MFRP: variants seen among roughly 807,000 people sequenced by gnomAD.
MFRP encodes C1q and TNF related 5.
Under a neutral mutation model 65.8 loss-of-function variants are expected in MFRP, and 74 were observed. The observed-to-expected ratio is 1.12, with a 90% CI of 0.93 to 1.36. MFRP has a LOEUF of 1.36. Among genes scored for constraint, MFRP ranks in the 40% most tolerant of loss-of-function variants. The probability of loss-of-function intolerance (pLI) is 0.00; values close to 1 mark genes in which losing one functional copy is unlikely to be tolerated. For synonymous variants in MFRP, 336 were observed against 288.3 expected (o/e 1.17, Z -1.68); for missense variants, 838 against 736.0 (o/e 1.14, Z -1.60).
Position 119,340,043 on chromosome 11 carries a change from G to A in MFRP, c.*1110+141C>T, listed in dbSNP as rs901597224. On this transcript the variant is annotated intron_variant, in intron 14 of 14. Coordinates refer to ENST00000619721, the MANE Select transcript of MFRP (RefSeq NM_031433.4). ...TGGCCAAGGGGGCTCCCGCCGCCTGGGCCCCTCCCCCGCTCAGGGCTGCAA... is the reference window on the plus strand; with the variant it reads ...TGGCCAAGGGGGCTCCCGCCGCCTGAGCCCCTCCCCCGCTCAGGGCTGCAA... 8 of 1,260,516 alleles carry A rather than the reference G, an allele frequency of 6.3e-6. No individual in the cohort carries two copies. The African/African-American group carries it at 1.3e-4, about 20-fold the overall frequency. 78.1% of individuals were successfully genotyped at this position (1,260,516 alleles called of 1,614,324 possible).
At chr11:119,342,785 C>G in intron 10 of MFRP, 58 bp from the exon 11 acceptor site, 1 of 1,613,080 alleles carries the variant, frequency 6.2e-7, no homozygotes, top group Non-Finnish European at 8.5e-7. Context: ...CCAGTACCCC[C>G]AGAGTGTCCT....
rs121908190 is a variant in MFRP at position 119,345,516 on chromosome 11, A to T, written c.545T>A (p.Ile182Lys). 4 of 1,614,096 alleles carry T rather than the reference A, an allele frequency of 2.5e-6. No homozygotes were observed. Among genetic ancestry groups the T allele is most frequent in the Non-Finnish European group, 3.4e-6 (4 of 1,180,032 alleles). ...WHIQVATDHA[I>K]QLKIEALSIE... ...GCTGAGGGCTTCGATCTTGAGCTGTATTGCATGGTCTGTGGCCACCTGGAT... is the reference window on the plus strand; with the variant it reads ...GCTGAGGGCTTCGATCTTGAGCTGTTTTGCATGGTCTGTGGCCACCTGGAT... The change falls in exon 5 of 15, where the codon ATA becomes AAA. Residue 182 changes from isoleucine to lysine, a missense_variant. By Grantham distance (102) the Ile-to-Lys change is moderately radical. Transcript: ENST00000619721.
chr11:119,340,642 G>C, intron 13 of MFRP, 53 bp downstream of exon 13: 1 of 544,152 alleles, frequency 1.8e-6, no homozygotes, highest in Non-Finnish European at 3.2e-6. Context: ...GCCCGCGCCA[G>C]CCTTTCCCAC....
chr11:119,340,315 C>T lies in MFRP; in HGVS notation c.*979G>A. On this transcript the variant is annotated 3_prime_UTR_variant, in exon 14 of 15. Coordinates refer to ENST00000619721, the MANE Select transcript of MFRP (RefSeq NM_031433.4). ...GCCTGGAAGGCCGGGGTGCCCCGGG[C>T]AGAGGCTGGGGATCTTGTTGTCGTC... 2.6e-6 allele frequency: 4 copies of T among 1,540,454 alleles called. No individual in the cohort carries two copies. Among genetic ancestry groups the T allele is most frequent in the Non-Finnish European group, 3.5e-6 (4 of 1,144,088 alleles).
Position 119,345,660 on chromosome 11 carries a change from AG to A in MFRP, c.428-28del, listed in dbSNP as rs762065103. The A allele has an allele frequency of 3.3e-5, 53 of 1,613,014 alleles. 1 individual carries two copies. The East Asian group carries it at 7.8e-4, about 24-fold the overall frequency. On this transcript the variant is annotated intron_variant, in intron 4 of 14. Transcript: ENST00000619721. ...TGCAGAGATGGAGGTTAGAGTTCAG[AG>A]GTCAAAAGGAGTGAGGTCCTTTATT...
chr11:119,342,937 C>T lies in MFRP; in HGVS notation c.1191G>A (p.Arg397=). The change falls in exon 10 of 15, where the codon AGG becomes AGA. Residue 397 remains arginine, a synonymous_variant. Transcript: ENST00000619721. ...CTCCACTGCTGATGCCATGATCTGTCCTAAACAGCACAGCCAGCTCATGGT... is the reference window on the plus strand; with the variant it reads ...CTCCACTGCTGATGCCATGATCTGTTCTAAACAGCACAGCCAGCTCATGGT... ...SSHHELAVLF[R]TDHGISSGGF... 6.2e-7 allele frequency: 1 copy of T among 1,612,580 alleles called. No individual in the cohort carries two copies. Among genetic ancestry groups the T allele is most frequent in the Non-Finnish European group, 8.5e-7 (1 of 1,179,774 alleles).
intron 5 of MFRP, among the ~76,000 whole-genome samples, 168 bp downstream of exon 5, chr11:119,345,252 G>A (rs1447450927): frequency 6.6e-6 from 1 of 152,244 alleles, no homozygotes; most frequent in Non-Finnish European, 1.5e-5. Context: ...TGAGAGAGGG[G>A]AAGTGATCTT....
rs567782248 is a variant in MFRP at position 119,339,240 on chromosome 11, T to A, written c.*1719A>T. The A allele has an allele frequency of 5.5e-5, 79 of 1,441,316 alleles. No homozygotes were observed. In the African/African-American group the frequency reaches 1.1e-3, roughly 20 times the overall value. 89.3% of individuals were successfully genotyped at this position (1,441,316 alleles called of 1,614,324 possible). A position where few individuals can be genotyped will look rare whatever the true frequency, so the allele number is the denominator to read the frequency against. ...CCACCTCCCTAGTCATTCACAATAT[T>A]CCAGGGGGGCCAGCCCTCCTGGATG... On this transcript the variant is annotated 3_prime_UTR_variant, in exon 15 of 15. Transcript: ENST00000619721. This position sits in a 1 kb window ranked among gnomAD's most constrained non-coding sequence, Gnocchi z 5.4.
At position 119,341,647 on chromosome 11, in the gene MFRP, G is replaced by A; in HGVS notation, c.1641C>T (p.His547=). Residue 547 remains histidine, a synonymous_variant, in exon 13 of 15, where the codon CAC becomes CAT. Transcript: ENST00000619721. Reference sequence around the variant, plus strand: ...GTAGTGCCAGGCCAGACTGGCACTGGTGCTCCGCTTCCTGGCAGACAGAGC... The same window carrying A: ...GTAGTGCCAGGCCAGACTGGCACTGATGCTCCGCTTCCTGGCAGACAGAGC... The part of the protein sequence containing the change: ...PCRSVCQEAE[H]QCQSGLALLG... 6.2e-7 allele frequency: 1 copy of A among 1,613,024 alleles called. No individual in the cohort carries two copies. The highest frequency in any genetic ancestry group is 8.5e-7 in the Non-Finnish European group (1 of 1,180,028).
Position 119,341,603 on chromosome 11 carries a change from A to G in MFRP, c.1685T>C (p.Phe562Ser), listed in dbSNP as rs1344347917. 1 of 1,612,820 alleles carries G rather than the reference A, an allele frequency of 6.2e-7. No homozygotes were observed. The highest frequency in any genetic ancestry group is 8.5e-7 in the Non-Finnish European group (1 of 1,180,012). ...TGCCTCTGGCAGCCTGTTGCAGTTG[A>G]AGGGCCAGGGGGTGCCCAGTAGTGC... Reference protein sequence around the residue: ...GLALLGTPWPFNCNRLPEAAD... With the variant: ...GLALLGTPWPSNCNRLPEAAD... Residue 562 changes from phenylalanine (F) to serine (S), a missense_variant, in exon 13 of 15, where the codon TTC becomes TCC. Physicochemically the swap from Phe to Ser is radical, Grantham distance 155. Transcript: ENST00000619721.
chr11:119,341,217 T>C lies in MFRP; in HGVS notation c.*331A>G, dbSNP rs1950499614. The C allele has an allele frequency of 2.6e-6, 1 of 378,460 alleles. No individual in the cohort carries two copies. The highest frequency in any genetic ancestry group is 4.9e-6 in the Non-Finnish European group (1 of 202,734). The allele number at this position is 378,460 out of a possible 1,614,324, so 23.4% of individuals were successfully genotyped here. On this transcript the variant is annotated 3_prime_UTR_variant, in exon 13 of 15. Coordinates refer to ENST00000619721, the MANE Select transcript of MFRP (RefSeq NM_031433.4). ...TGAATAGATGCTCAGTACATTTTTG[T>C]TGAATCAAGGAAAAGGTCAGAAGGC...
intron 13 of MFRP, 87 bp downstream of exon 13, chr11:119,340,608 G>C (rs1174251518): frequency 1.8e-6 from 1 of 568,278 alleles, no homozygotes; most frequent in Admixed American, 3.4e-5. Flanking sequence ...GGGTGGGAGC[G>C]GCCAGCCCTC....
At position 119,345,899 on chromosome 11, in the gene MFRP, A is replaced by G; in HGVS notation, c.301T>C (p.Ser101Pro). The change falls in exon 4 of 15, where the codon TCC becomes CCC. Residue 101 changes from serine (S) to proline (P), a missense_variant. Transcript: ENST00000619721. ...CCTCCGGCAGGCAGTGGGCTATGGG[A>G]CGCCCCAGATGGGGGTGCAGCCTGC... ...QLQAAPPSGASHSPLPAGGLT... is the reference protein window; with the variant it reads ...QLQAAPPSGAPHSPLPAGGLT... The G allele has an allele frequency of 1.2e-6, 2 of 1,613,504 alleles. No individual in the cohort carries two copies. The highest frequency in any genetic ancestry group is 1.7e-6 in the Non-Finnish European group (2 of 1,179,748).
At position 119,343,793 on chromosome 11, in the gene MFRP, T is replaced by C. The variant is rs754102482; in HGVS notation, c.1124+23A>G. The C allele has an allele frequency of 1.9e-6, 3 of 1,613,696 alleles. No individual in the cohort carries two copies. The East Asian group carries it at 6.7e-5, about 36-fold the overall frequency. On this transcript the variant is annotated intron_variant, in intron 9 of 14. Transcript: ENST00000619721. ...CAGACAGTGAGGATGGAGTTATCCA[T>C]GGCTCTTCCCTGGCTCCTGTACCTG...
chr11:119,344,642 G>A lies in MFRP; in HGVS notation c.888C>T (p.Ala296=), dbSNP rs762273500. The stretch of plus-strand genomic sequence containing the variant: ...ATGCCTGGCCCGTACCCGAGAACTT[G>A]GCACTGCAATTGGTCTCATCACTGC... ...ADGSDETNCS[A]KFSGCGGNLT... Residue 296 remains alanine (A), a synonymous_variant, in exon 7 of 15, where the codon GCC becomes GCT. Transcript: ENST00000619721. 3 of 1,614,032 alleles carry A rather than the reference G, an allele frequency of 1.9e-6. No homozygotes were observed. Among genetic ancestry groups the A allele is most frequent in the Admixed American group, 3.3e-5 (2 of 60,016 alleles).
Position 119,344,977 on chromosome 11 carries a change from C to T in MFRP, c.669G>A (p.Thr223=), listed in dbSNP as rs139222274. 4.9e-4 allele frequency: 781 copies of T among 1,607,512 alleles called. 4 individuals carry two copies. In the African/African-American group the frequency reaches 7.3e-3, roughly 15 times the overall value. ...LRVCGRVPPP[T]LNTNASHLLV... is the part of the protein sequence containing the mutation. ...GGAGGTGGCTGGCATTGGTGTTGAG[C>T]GTGGGGGGAGGCACCCTTCCACAAA... is the stretch of plus-strand genomic sequence containing the variant. Residue 223 remains threonine (T), a synonymous_variant, in exon 6 of 15, where the codon ACG becomes ACA. Coordinates refer to ENST00000619721, the MANE Select transcript of MFRP (RefSeq NM_031433.4).
At chr11:119,344,558 G>A in intron 7 of MFRP, 74 bp downstream of exon 7, 1 of 1,610,838 alleles carries the variant, frequency 6.2e-7, no homozygotes, top group East Asian at 2.2e-5. Flanking sequence ...GTTTGAGGCT[G>A]GACCAGAGCT....
At chr11:119,342,456 T>A in intron 11 of MFRP, 140 bp downstream of exon 11, 1 of 1,053,376 alleles carries the variant, frequency 9.5e-7, no homozygotes, top group Non-Finnish European at 1.4e-6. Context: ...CTCTGTGAAG[T>A]GGTCCCAGAG....
At chr11:119,344,803 CT>C (rs759729487) in intron 6 of MFRP, 46 bp from the exon 7 acceptor site, 2 of 1,613,760 alleles carry the variant, frequency 1.2e-6, no homozygotes, top group South Asian at 2.2e-5. Flanking sequence ...GTCTCCACCC[CT>C]TTGACAGGAC....
Sources: allele counts gnomAD v4.1 joint callset (sites outside exome capture counted in the v4.1 genomes callset), GRCh38; gene constraint gnomAD v4.1.1; non-coding constraint Gnocchi (gnomAD v3.1); transcripts MANE v1.5; gene names NCBI Gene and HGNC (gene_info 2026-07-23, HGNC 2026-07-21).